Variants in COL2A1 observed in about 807,000 individuals in gnomAD.
The protein encoded by COL2A1 is collagen type II alpha 1 chain.
In COL2A1, 28 loss-of-function variants were observed where a neutral mutation model predicts 204.5. The observed-to-expected ratio is 0.14, with a 90% CI of 0.10 to 0.19. The LOEUF (loss-of-function observed/expected upper bound fraction) is 0.19, where lower values mean the gene tolerates loss of function less well. COL2A1 is among the 10% of genes least tolerant of loss of function. The pLI is 1.00. For synonymous variants in COL2A1, 708 were observed against 718.7 expected, an observed-to-expected ratio of 0.99 and a Z score of 0.24; for missense variants, 1,388 against 2,027.5, an observed-to-expected ratio of 0.68 and a Z score of 6.06.
rs1206393699 is a variant in COL2A1, at chr12:47,976,253, G to C, written c.3490-183C>G. Among the ~76,000 whole-genome samples the C allele has an allele frequency of 6.6e-6, 1 of 152,196 alleles. No homozygotes were observed. Among genetic ancestry groups the C allele is most frequent in the Non-Finnish European group, 1.5e-5 (1 of 68,028 alleles). ...CAAGAACCAGCAGGATAGCTCCATG[G>C]CTTGCCTACCCTCCTAAGCTCCTCT... On this transcript the variant is annotated intron_variant, in intron 49 of 53. Transcript: ENST00000380518. The surrounding 1 kb of genome is among the most constrained non-coding windows in gnomAD (Gnocchi z 4.3).
intron 27 of COL2A1, 46 bp downstream of exon 27, chr12:47,984,949 A>C (rs1162478804): frequency 6.7e-7 from 1 of 1,492,022 alleles, no homozygotes; most frequent in East Asian, 2.3e-5. Context: ...GCAGGGAGGT[A>C]GGTAGCACCA....
At chr12:47,986,617 C>T (rs1004711948) in intron 22 of COL2A1, among the ~76,000 whole-genome samples, 174 bp from the exon 23 acceptor site, 1 of 152,122 alleles carries the variant, frequency 6.6e-6, no homozygotes, top group Non-Finnish European at 1.5e-5. Flanking sequence ...GTGAGAGGGG[C>T]TAAAGATCCA....
rs1329173850 is a variant in COL2A1 at position 47,998,082 on chromosome 12, AC to A, written c.343-19del. The A allele has an allele frequency of 6.2e-7, 1 of 1,614,226 alleles. No individual in the cohort carries two copies. The highest frequency in any genetic ancestry group is 1.1e-5 in the South Asian group (1 of 91,082). ...CCTACAATCTGTGAGAGAGAGCCCC[AC>A]AGGATGGTAAGTTAGAGGAGAGCAC... On this transcript the variant is annotated intron_variant, in intron 4 of 53. Transcript: ENST00000380518.
chr12:47,975,178 G>T, intron 51 of COL2A1, 139 bp downstream of exon 51: 1 of 1,163,050 alleles, frequency 8.6e-7, no homozygotes, highest in Non-Finnish European at 1.2e-6. Context: ...TCTCTGCTGT[G>T]AAATAAGAGA....
In COL2A1 at chr12:47,987,281, G is replaced by A. The variant is rs1274401278; in HGVS notation, c.1254C>T (p.Ala418=). ...GNPGTDGIPG[A]KGSAGAPGIA... is the part of the protein sequence containing the mutation. Reference sequence around the variant, plus strand: ...GGGCAACACTCACAGCAGATCCTTTGGCTCCAGGAATTCCATCTGTTCCAG... The same window carrying A: ...GGGCAACACTCACAGCAGATCCTTTAGCTCCAGGAATTCCATCTGTTCCAG... Residue 418 remains alanine, a synonymous_variant, in exon 20 of 54, where the codon GCC becomes GCT. Coordinates refer to ENST00000380518, the MANE Select transcript of COL2A1 (RefSeq NM_001844.5). The surrounding 1 kb of genome is among the most constrained non-coding windows in gnomAD (Gnocchi z 4.1). The A allele has an allele frequency of 1.2e-6, 2 of 1,613,978 alleles. No homozygotes were observed. The highest frequency in any genetic ancestry group is 2.7e-5 in the African/African-American group (2 of 74,884).
At position 47,978,312 on chromosome 12, in the gene COL2A1, G is replaced by A. The variant is rs745995317; in HGVS notation, c.2982C>T (p.Phe994=). Residue 994 remains phenylalanine (F), a synonymous_variant, in exon 43 of 54, where the codon TTC becomes TTT. Transcript: ENST00000380518. The surrounding 1 kb of genome is among the most constrained non-coding windows in gnomAD (Gnocchi z 5.5). The part of the protein sequence containing the change: ...GLPGQRGERG[F]PGLPGPSGEP... ...TCACCGACGGGCCAGGCAAGCCAGG[G>A]AATCCTCTCTCACCACGTTGCCCAG... The A allele has an allele frequency of 1.5e-5, 24 of 1,613,868 alleles. No homozygotes were observed. The South Asian group carries it at 2.6e-4, about 18-fold the overall frequency.
chr12:47,982,699 C>A, intron 33 of COL2A1, 90 bp from the exon 34 acceptor site: 1 of 1,267,552 alleles, frequency 7.9e-7, no homozygotes, highest in East Asian at 2.4e-5. Context: ...GGCCCCAAAC[C>A]CCTCTTCCTT....
chr12:48,004,578 AACCTGAACCGC>A, upstream of COL2A1: 1 of 390,522 alleles, frequency 2.6e-6, no homozygotes, highest in Non-Finnish European at 4.6e-6. Context: ...GCTGGGCTGT[AACCTGAACCGC>A]CCGCCCCCGG....
intron 17 of COL2A1, 103 bp from the exon 18 acceptor site, chr12:47,989,384 C>T: frequency 3.1e-6 from 3 of 970,692 alleles, no homozygotes; most frequent in South Asian, 2.7e-5. Context: ...GTACTGATTT[C>T]ACTCCATATC....
At chr12:47,993,107 C>T (rs1375393032) in intron 15 of COL2A1, among the ~76,000 whole-genome samples, 176 bp from the exon 16 acceptor site, 2 of 152,220 alleles carry the variant, frequency 1.3e-5, no homozygotes, top group Non-Finnish European at 2.9e-5. Context: ...CCTCAGATCA[C>T]ACCCAACAGT....
rs1938527200 is a variant in COL2A1 at position 47,973,323 on chromosome 12, G to A, written c.*84C>T. 2 of 1,579,588 alleles carry A rather than the reference G, an allele frequency of 1.3e-6. No individual in the cohort carries two copies. Among genetic ancestry groups the A allele is most frequent in the Non-Finnish European group, 8.7e-7 (1 of 1,148,486 alleles). On this transcript the variant is annotated 3_prime_UTR_variant, in exon 54 of 54. Coordinates refer to ENST00000380518, the MANE Select transcript of COL2A1 (RefSeq NM_001844.5). The stretch of plus-strand genomic sequence containing the variant: ...CATCAGGTCAGGTCAGCCATTCAGT[G>A]CAGAGTCCTAGAGTGACTGAGATTG...
In COL2A1 at chr12:48,000,000, C is replaced by T. The variant is rs943372344; in HGVS notation, c.211G>A (p.Asp71Asn). Residue 71 changes from aspartate (D) to asparagine (N), a missense_variant, in exon 2 of 54, where the codon GAC (aspartate) becomes AAC (asparagine). Physicochemically the swap from Asp to Asn is conservative, Grantham distance 23 (BLOSUM62 1). This residue lies in a region of COL2A1 where 201 missense variants were observed against 242.4 expected (regional missense o/e 0.83). Transcript: ENST00000380518. ...TCAGGGCTGAGGCAGTCTTTCACGT[C>T]TTCACAGATTATGTCGTCGCAGAGG... is the stretch of plus-strand genomic sequence containing the variant. ...TVLCDDIICE[D>N]VKDCLSPEIP... is the part of the protein sequence containing the mutation. 3.7e-6 allele frequency: 6 copies of T among 1,614,194 alleles called. No individual in the cohort carries two copies. Among genetic ancestry groups the T allele is most frequent in the Non-Finnish European group, 5.1e-6 (6 of 1,180,032 alleles).
In COL2A1 at chr12:47,999,904, T is replaced by C. The variant is rs1225673574; in HGVS notation, c.292+15A>G. Reference sequence around the variant, plus strand: ...TAATTTATTTATGTTGAACAGGAAATAAATAAATTACAACCACTGGCAGTG... The same window carrying C: ...TAATTTATTTATGTTGAACAGGAAACAAATAAATTACAACCACTGGCAGTG... On this transcript the variant is annotated intron_variant, in intron 2 of 53. Coordinates refer to ENST00000380518, the MANE Select transcript of COL2A1 (RefSeq NM_001844.5). 1 of 1,608,804 alleles carries C rather than the reference T, an allele frequency of 6.2e-7. No homozygotes were observed. The highest frequency in any genetic ancestry group is 1.3e-5 in the African/African-American group (1 of 74,774).
rs747643988 is a variant in COL2A1 at position 47,993,481 on chromosome 12, C to T, written c.946G>A (p.Glu316Lys). 3.1e-6 allele frequency: 5 copies of T among 1,613,906 alleles called. No homozygotes were observed. The highest frequency in any genetic ancestry group is 4.2e-6 in the Non-Finnish European group (5 of 1,179,770). Residue 316 changes from glutamate to lysine, a missense_variant, in exon 15 of 54, where the codon GAG (glutamate) becomes AAG (lysine). This residue lies in a region of COL2A1 where 884 missense variants were observed against 1,415.8 expected (regional missense o/e 0.62). Transcript: ENST00000380518. ...ACCATTGGGCCCGGAGATCCGTTCTCACCCGGGGAACCACTCTCACCCTGG... is the reference window on the plus strand; with the variant it reads ...ACCATTGGGCCCGGAGATCCGTTCTTACCCGGGGAACCACTCTCACCCTGG... ...GVKGESGSPG[E>K]NGSPGPMGPR...
At position 47,998,216 on chromosome 12, in the gene COL2A1, A is replaced by C. The variant is rs1329458518; in HGVS notation, c.310-15T>G. 6.2e-7 allele frequency: 1 copy of C among 1,613,998 alleles called. No individual in the cohort carries two copies. The highest frequency in any genetic ancestry group is 8.5e-7 in the Non-Finnish European group (1 of 1,180,036). ...CCTTTCTGTCCCTGAAACATGAAAC[A>C]TTCACAGGATTAAGCCGAGTAAGCC... is the stretch of plus-strand genomic sequence containing the variant. On this transcript the variant is annotated splice_polypyrimidine_tract_variant and intron_variant, in intron 3 of 53. Transcript: ENST00000380518.
Position 47,993,458 on chromosome 12 carries a change from C to T in COL2A1, c.969G>A (p.Met323Ile). Reference sequence around the variant, plus strand: ...CTTCCTGGAGGGTGTCCATACTTACCATTGGGCCCGGAGATCCGTTCTCAC... The same window carrying T: ...CTTCCTGGAGGGTGTCCATACTTACTATTGGGCCCGGAGATCCGTTCTCAC... Reference protein sequence around the residue: ...SPGENGSPGPMGPRGLPGERG... With the variant: ...SPGENGSPGPIGPRGLPGERG... The change falls in exon 15 of 54, where the codon ATG (methionine) becomes ATA (isoleucine). Residue 323 changes from methionine to isoleucine, a missense_variant and splice_region_variant. Around this residue, in one of 3 missense-constraint regions of COL2A1, gnomAD observed 884 missense variants for 1,415.8 expected, o/e 0.62. Transcript: ENST00000380518. 2.5e-6 allele frequency: 4 copies of T among 1,612,100 alleles called. No individual in the cohort carries two copies. The highest frequency in any genetic ancestry group is 3.4e-6 in the Non-Finnish European group (4 of 1,178,144).
intron 7 of COL2A1, 42 bp downstream of exon 7, chr12:47,997,564 C>T (rs2136625690): frequency 6.2e-7 from 1 of 1,613,684 alleles, no homozygotes; most frequent in Non-Finnish European, 8.5e-7. Flanking sequence ...AGCCACATTT[C>T]TGGAGGGACA....
chr12:47,998,504 A>G, intron 2 of COL2A1, 73 bp from the exon 3 acceptor site: 1 of 1,473,036 alleles, frequency 6.8e-7, no homozygotes, highest in Non-Finnish European at 9.4e-7. Flanking sequence ...CTTGTCACTC[A>G]AACACTCATT....
chr12:47,976,956 G>A lies in COL2A1; in HGVS notation c.3328-37C>T, dbSNP rs112859255. 1 of 1,559,508 alleles carries A rather than the reference G, an allele frequency of 6.4e-7. No homozygotes were observed. The highest frequency in any genetic ancestry group is 8.7e-7 in the Non-Finnish European group (1 of 1,144,838). ...ACAGACACCGATTGAGTCAGGTCAGGGCCAGGACAGGAGCCCCCTCCTGTC... is the reference window on the plus strand; with the variant it reads ...ACAGACACCGATTGAGTCAGGTCAGAGCCAGGACAGGAGCCCCCTCCTGTC... On this transcript the variant is annotated intron_variant, in intron 47 of 53. Coordinates refer to ENST00000380518, the MANE Select transcript of COL2A1 (RefSeq NM_001844.5). This position sits in a 1 kb window ranked among gnomAD's most constrained non-coding sequence, Gnocchi z 4.3.
Sources: gnomAD v4.1 joint callset for allele counts (sites outside exome capture counted in the v4.1 genomes callset) on GRCh38, gnomAD v4.1.1 for gene constraint, gnomAD v4.1.1 regional missense constraint, Gnocchi (gnomAD v3.1) non-coding constraint, MANE v1.5 for transcripts, NCBI Gene and HGNC (gene_info 2026-07-23, HGNC 2026-07-21) for gene names.